MASP2: variants seen among roughly 807,000 people sequenced by gnomAD.
The protein encoded by MASP2 is MBL associated serine protease 2.
In MASP2, 49 loss-of-function variants were observed where a neutral mutation model predicts 57.1. The ratio of observed to expected loss-of-function variants is 0.86; its 90% CI spans 0.68 to 1.09. The LOEUF is 1.09. Among genes scored for constraint, MASP2 ranks in the 50% least tolerant of loss-of-function variants. MASP2 has a pLI of 0.00. For missense variants in MASP2, 900 were observed against 874.8 expected (o/e 1.03, Z -0.36); for synonymous variants, 379 against 340.8 (o/e 1.11, Z -1.24).
chr1:11,043,568 C>G, intron 4 of MASP2, 33 bp from the exon 5 acceptor site: 1 of 1,507,304 alleles, frequency 6.6e-7, no homozygotes, highest in Non-Finnish European at 9.1e-7. Flanking sequence ...AGTGACTTGG[C>G]GTGCCCTCTA....
rs2100902206 is a variant in MASP2, at chr1:11,043,446, T to G, written c.634A>C (p.Thr212Pro). ...PRPYPKLSSC[T>P]YSISLEEGFS... ...CCCTCCTCCAGGCTGATGCTGTAAG[T>G]GCAACTGGAGAGTTTGGGATACGGC... The change falls in exon 5 of 11, where the codon ACT (threonine) becomes CCT (proline). Residue 212 changes from threonine (T) to proline (P), a missense_variant. Transcript: ENST00000400897. 2 of 1,611,058 alleles carry G rather than the reference T, an allele frequency of 1.2e-6. No individual in the cohort carries two copies. Among genetic ancestry groups the G allele is most frequent in the East Asian group, 2.2e-5 (1 of 44,842 alleles).
rs1402909143 is a variant in MASP2, at chr1:11,032,247, T to C, written c.1088-1365A>G. 3.9e-5 allele frequency among the ~76,000 whole-genome samples: 6 copies of C among 152,142 alleles called. No homozygotes were observed. The South Asian group carries it at 8.3e-4, about 21-fold the overall frequency. ...TATTACCACATAAAATTGCCCCCCT[T>C]TTCTACATACAATAGTGTATACTTG... On this transcript the variant is annotated intron_variant, in intron 8 of 10. Coordinates refer to ENST00000400897, the MANE Select transcript of MASP2 (RefSeq NM_006610.4).
chr1:11,040,015 G>A (rs1186522873), intron 6 of MASP2, among the ~76,000 whole-genome samples: 2 of 150,844 alleles, frequency 1.3e-5, no homozygotes, highest in Non-Finnish European at 3.0e-5. Context: ...GTAGGCAGAA[G>A]AATGGGTGGG....
intron 3 of MASP2, chr1:11,045,801 A>T (rs1638621362): frequency 1.9e-6 from 1 of 533,176 alleles, no homozygotes; most frequent in Non-Finnish European, 3.4e-6. Flanking sequence ...CACCCAGCTA[A>T]TGAGGGGAGT....
Position 11,026,901 on chromosome 1 carries a change from A to G in MASP2, c.2045T>C (p.Ile682Thr), listed in dbSNP as rs759294252. The G allele has an allele frequency of 3.4e-6, 5 of 1,481,960 alleles. No individual in the cohort carries two copies. The South Asian group carries it at 5.8e-5, about 17-fold the overall frequency. 91.8% of individuals were successfully genotyped at this position (1,481,960 alleles called of 1,614,324 possible). Reference sequence around the variant, plus strand: ...ACACGCAAGTTAAAAATCACTAATTATGTTCTCGATCCAGGGAATATAGTT... The same window carrying G: ...ACACGCAAGTTAAAAATCACTAATTGTGTTCTCGATCCAGGGAATATAGTT... ...VINYIPWIEN[I>T]ISDF Residue 682 changes from isoleucine to threonine, a missense_variant, in exon 11 of 11, where the codon ATA becomes ACA. Ile to Thr is a moderately conservative substitution (Grantham distance 89). Coordinates refer to ENST00000400897, the MANE Select transcript of MASP2 (RefSeq NM_006610.4).
intron 8 of MASP2, among the ~76,000 whole-genome samples, chr1:11,032,062 A>AC (rs1290291032): frequency 6.6e-6 from 1 of 151,918 alleles, no homozygotes; most frequent in Non-Finnish European, 1.5e-5. Context: ...ACATAGTGAG[A>AC]CCCCATCTCT....
chr1:11,027,782 T>A, intron 10 of MASP2, 134 bp from the exon 11 acceptor site: 23 of 803,990 alleles, frequency 2.9e-5, no homozygotes, highest in Non-Finnish European at 4.5e-5. Context: ...GGTGACTACC[T>A]ATACAGGCAA....
At chr1:11,031,566 A>G (rs1570739044) in intron 8 of MASP2, among the ~76,000 whole-genome samples, 1 of 150,356 alleles carries the variant, frequency 6.7e-6, no homozygotes, top group Admixed American at 6.6e-5. Flanking sequence ...GGAACAGCAC[A>G]TGACATGGCA....
In MASP2 at chr1:11,047,007, C is replaced by T; in HGVS notation, c.118G>A (p.Ala40Thr). 1 of 1,553,540 alleles carries T rather than the reference C, an allele frequency of 6.4e-7. No homozygotes were observed. The highest frequency in any genetic ancestry group is 8.7e-7 in the Non-Finnish European group (1 of 1,148,190). Residue 40 changes from alanine (A) to threonine (T), a missense_variant, in exon 2 of 11, where the codon GCC becomes ACC. By Grantham distance (58) the Ala-to-Thr change is moderately conservative (BLOSUM62 0). Transcript: ENST00000400897. ...GTCCAGCGCCGCTCCTGGTCATTGGCATACTCCCCTGGAAAGCCGGGGGAT... is the reference window on the plus strand; with the variant it reads ...GTCCAGCGCCGCTCCTGGTCATTGGTATACTCCCCTGGAAAGCCGGGGGAT... ...LASPGFPGEY[A>T]NDQERRWTLT...
At chr1:11,043,657 T>G in intron 4 of MASP2, 122 bp from the exon 5 acceptor site, 10 of 690,480 alleles carry the variant, frequency 1.4e-5, no homozygotes, top group Non-Finnish European at 1.9e-5. Flanking sequence ...GACATCTGCA[T>G]CCCTGGGTTG....
intron 6 of MASP2, among the ~76,000 whole-genome samples, chr1:11,041,378 G>A (rs61773666): frequency 0.64 from 88,199 of 137,212 alleles, 30,549 homozygotes; most frequent in Non-Finnish European, 0.77. Flanking sequence ...ATTGGCAGAT[G>A]GATGGATGGA....
In MASP2 at chr1:11,046,878, G is replaced by A. The variant is rs72647262; in HGVS notation, c.234+13C>T. On this transcript the variant is annotated intron_variant, in intron 2 of 10. Transcript: ENST00000400897. ...GACCCTGAGAAACCCCAGCCCTCCC[G>A]TCCTGACGGCACCTTGACGAAGTCG... 10,077 of 1,558,948 alleles carry A rather than the reference G, an allele frequency of 6.5e-3. 59 individuals are homozygous for A. The highest frequency in any genetic ancestry group is 7.7e-3 in the Non-Finnish European group (8,811 of 1,150,888).
At chr1:11,043,579 T>A (rs1202273615) in intron 4 of MASP2, 44 bp from the exon 5 acceptor site, 2 of 1,398,716 alleles carry the variant, frequency 1.4e-6, no homozygotes, top group African/African-American at 2.8e-5. Context: ...GTGCCCTCTA[T>A]CAGCCCTCGC....
intron 6 of MASP2, 57 bp from the exon 7 acceptor site, chr1:11,037,868 G>T: frequency 1.0e-6 from 1 of 959,010 alleles, no homozygotes. Flanking sequence ...AGCCAAGACT[G>T]AATCGAGCCA....
rs776094266 is a variant in MASP2, at chr1:11,027,218, G to A, written c.1728C>T (p.Thr576=). ...GATTTCTAGCAAGAAAACCCCTTTGGGTTAATCCCCATCCAGATGCAGTTC... is the reference window on the plus strand; with the variant it reads ...GATTTCTAGCAAGAAAACCCCTTTGAGTTAATCCCCATCCAGATGCAGTTC... ...DIGTASGWGL[T]QRGFLARNLM... is the part of the protein sequence containing the mutation. The change falls in exon 11 of 11, where the codon ACC becomes ACT. Residue 576 remains threonine (T), a synonymous_variant. Coordinates refer to ENST00000400897, the MANE Select transcript of MASP2 (RefSeq NM_006610.4). 3 of 1,614,106 alleles carry A rather than the reference G, an allele frequency of 1.9e-6. No homozygotes were observed. The highest frequency in any genetic ancestry group is 2.2e-5 in the South Asian group (2 of 91,072).
chr1:11,039,831 C>A (rs550511176), intron 6 of MASP2, among the ~76,000 whole-genome samples: 2 of 105,268 alleles, frequency 1.9e-5, no homozygotes, highest in Non-Finnish European at 3.9e-5. Flanking sequence ...TGGGTGGATG[C>A]AAGGATGGGT....
rs1230711399 is a variant in MASP2 at position 11,027,511 on chromosome 1, G to C, written c.1435C>G (p.Leu479Val). The C allele has an allele frequency of 1.2e-6, 2 of 1,614,170 alleles. No homozygotes were observed. The highest frequency in any genetic ancestry group is 8.5e-7 in the Non-Finnish European group (1 of 1,180,034). Residue 479 changes from leucine (L) to valine (V), a missense_variant, in exon 11 of 11, where the codon CTA becomes GTA. Leu to Val is a conservative substitution (Grantham distance 32). Transcript: ENST00000400897. ...TCATAGACGGCATGAGCAGCTGTTA[G>C]GACCCAGTTGTCATATAAAAGTGCA... ...AGALLYDNWV[L>V]TAAHAVYEQK...
Position 11,043,426 on chromosome 1 carries a change from C to T in MASP2, c.654G>A (p.Glu218=). The T allele has an allele frequency of 6.2e-7, 1 of 1,611,040 alleles. No individual in the cohort carries two copies. The change falls in exon 5 of 11, where the codon GAG becomes GAA. Residue 218 remains glutamate (E), a synonymous_variant. Coordinates refer to ENST00000400897, the MANE Select transcript of MASP2 (RefSeq NM_006610.4). ...AGTCCAGAATGACACTGAACCCCTC[C>T]TCCAGGCTGATGCTGTAAGTGCAAC... The part of the protein sequence containing the change: ...LSSCTYSISL[E]EGFSVILDFV...
intron 8 of MASP2, among the ~76,000 whole-genome samples, chr1:11,032,625 G>A (rs1192309133): frequency 1.1e-4 from 14 of 125,014 alleles, no homozygotes; most frequent in African/African-American, 4.8e-4. Context: ...AAAAAAAAAA[G>A]TGGCTGGTCA....
Sources: allele counts gnomAD v4.1 joint callset (sites outside exome capture counted in the v4.1 genomes callset), GRCh38; gene constraint gnomAD v4.1.1; transcripts MANE v1.5; gene names NCBI Gene and HGNC (gene_info 2026-07-23, HGNC 2026-07-21).